Variants in AP4E1 observed in about 807,000 individuals in gnomAD.
AP4E1 encodes the protein adaptor related protein complex 4 subunit epsilon 1.
AP4E1 carries 56 observed loss-of-function variants against 128.2 expected under a neutral mutation model. The observed-to-expected ratio is 0.44, with a 90% CI of 0.35 to 0.55. The LOEUF (loss-of-function observed/expected upper bound fraction) is 0.55. Ranked by LOEUF, AP4E1 falls within the 20% of genes least tolerant of loss-of-function variation. The pLI, the probability that AP4E1 is intolerant of heterozygous loss-of-function variation, is 0.00. For synonymous variants in AP4E1, 484 were observed against 473.1 expected, an observed-to-expected ratio of 1.02 and a Z score of -0.30; for missense variants, 1,324 against 1,307.7, an observed-to-expected ratio of 1.01 and a Z score of -0.19.
At chr15:50,994,030 A>G (rs962151689) in intron 17 of AP4E1, among the ~76,000 whole-genome samples, 10 of 152,228 alleles carry the variant, frequency 6.6e-5, no homozygotes, top group South Asian at 2.1e-4. Context: ...CATAAATTCT[A>G]TTCTCCCAGA....
At chr15:50,977,553 A>T (rs529096728) in intron 15 of AP4E1, among the ~76,000 whole-genome samples, 22 of 152,294 alleles carry the variant, frequency 1.4e-4, no homozygotes, top group African/African-American at 5.3e-4. Flanking sequence ...GACAAGATAT[A>T]GCAAGTATTT....
rs766447058 is a variant in AP4E1 at position 50,950,066 on chromosome 15, CAG to C, written c.1447_1448del (p.Glu483ArgfsTer44). The C allele has an allele frequency of 6.2e-7, 1 of 1,612,536 alleles. No individual in the cohort carries two copies. The highest frequency in any genetic ancestry group is 1.1e-5 in the South Asian group (1 of 91,050). On this transcript the variant is annotated frameshift_variant, in exon 13 of 21. Coordinates refer to ENST00000261842, the MANE Select transcript of AP4E1 (RefSeq NM_007347.5). LOFTEE classifies it high-confidence loss of function. Reference sequence around the variant, plus strand: ...TTCTTTGTAGGTTTTGATGATGAAACAGAAGATCAGCAATTAAGACTCTATGC... The same window carrying C: ...TTCTTTGTAGGTTTTGATGATGAAACAAGATCAGCAATTAAGACTCTATGC...
intron 6 of AP4E1, among the ~76,000 whole-genome samples, chr15:50,929,433 G>A (rs1457058877): frequency 6.7e-6 from 1 of 149,410 alleles, no homozygotes; most frequent in African/African-American, 2.4e-5. Context: ...GGTGTCTTAA[G>A]TTTGCAGATT....
In AP4E1 at chr15:50,991,319, T is replaced by C. The variant is rs28759241; in HGVS notation, c.2091-2051T>C. Among the ~76,000 whole-genome samples the C allele has an allele frequency of 4.7e-3, 719 of 152,330 alleles. 9 individuals carry two copies. The highest frequency in any genetic ancestry group is 0.017 in the African/African-American group (699 of 41,572). On this transcript the variant is annotated intron_variant, in intron 16 of 20. Coordinates refer to ENST00000261842, the MANE Select transcript of AP4E1 (RefSeq NM_007347.5). ...TATTTAAATCATGGATTAGTAAAAT[T>C]TAGGGACTTGTTCTCTCTTTTTTTG...
At chr15:50,911,516 T>C (rs1157222511) in intron 1 of AP4E1, among the ~76,000 whole-genome samples, 2 of 150,330 alleles carry the variant, frequency 1.3e-5, no homozygotes, top group Non-Finnish European at 3.0e-5. Flanking sequence ...GGAGTCTTGC[T>C]CTGTTACCCA....
chr15:50,996,369 C>T (rs576344157), intron 17 of AP4E1, among the ~76,000 whole-genome samples: 1 of 151,816 alleles, frequency 6.6e-6, no homozygotes, highest in Non-Finnish European at 1.5e-5. Context: ...TAGTAACTAT[C>T]GAAAATAACT....
chr15:50,983,635 G>C (rs2064673386), intron 15 of AP4E1, among the ~76,000 whole-genome samples: 1 of 152,156 alleles, frequency 6.6e-6, no homozygotes, highest in Non-Finnish European at 1.5e-5. Context: ...ATGTACCCAG[G>C]AGCAGTTTGT....
intron 4 of AP4E1, 105 bp downstream of exon 4, chr15:50,924,109 G>C: frequency 1.1e-6 from 1 of 897,284 alleles, no homozygotes; most frequent in East Asian, 2.5e-5. Flanking sequence ...AAGTGGGCTT[G>C]CAGAATGGGC....
chr15:50,943,323 A>G (rs566086834), intron 10 of AP4E1, among the ~76,000 whole-genome samples: 1 of 152,320 alleles, frequency 6.6e-6, no homozygotes, highest in East Asian at 1.9e-4. Context: ...AGAGAACACT[A>G]TTACATTAAA....
At chr15:50,947,965 A>C (rs982019997) in intron 10 of AP4E1, 55 bp from the exon 11 acceptor site, 15 of 1,348,142 alleles carry the variant, frequency 1.1e-5, no homozygotes, top group African/African-American at 1.5e-5. Context: ...TACTGTACTC[A>C]TTGGTGTTAT....
chr15:51,002,160 T>A (rs2064971848), intron 20 of AP4E1, among the ~76,000 whole-genome samples: 1 of 152,138 alleles, frequency 6.6e-6, no homozygotes, highest in South Asian at 2.1e-4. Context: ...GGATTACAGG[T>A]GTGAACTACT....
At chr15:50,937,717 G>A (rs2063925703) in intron 8 of AP4E1, among the ~76,000 whole-genome samples, 1 of 152,178 alleles carries the variant, frequency 6.6e-6, no homozygotes. Flanking sequence ...GCAGAAGGGA[G>A]ATTGAAGGGG....
intron 15 of AP4E1, among the ~76,000 whole-genome samples, chr15:50,979,444 T>A (rs926275928): frequency 2.0e-5 from 3 of 152,224 alleles, no homozygotes; most frequent in Non-Finnish European, 4.4e-5. Flanking sequence ...CTTCATGATG[T>A]AGCATGAAGG....
At position 50,993,372 on chromosome 15, in the gene AP4E1, C is replaced by G; in HGVS notation, c.2093C>G (p.Thr698Arg). ...GATTTTATTATCAACCTCCTTAGGA[C>G]AAATAGCTTGAAGCTGGAAGGTATA... Reference protein sequence around the residue: ...GNSAETGLKETNSLKLEGIKK... With the variant: ...GNSAETGLKERNSLKLEGIKK... The change falls in exon 17 of 21, where the codon ACA becomes AGA. Residue 698 changes from threonine (T) to arginine (R), a missense_variant and splice_region_variant. By Grantham distance (71) the Thr-to-Arg change is moderately conservative. Coordinates refer to ENST00000261842, the MANE Select transcript of AP4E1 (RefSeq NM_007347.5). 6.2e-7 allele frequency: 1 copy of G among 1,613,706 alleles called. No individual in the cohort carries two copies. Among genetic ancestry groups the G allele is most frequent in the South Asian group, 1.1e-5 (1 of 91,056 alleles).
intron 14 of AP4E1, among the ~76,000 whole-genome samples, chr15:50,965,866 A>C (rs2064384932): frequency 2.0e-5 from 3 of 152,156 alleles, no homozygotes; most frequent in African/African-American, 7.2e-5. Flanking sequence ...TTCTCACTTA[A>C]TACTCACTCT....
At chr15:50,985,128 A>G (rs1387760825) in intron 16 of AP4E1, among the ~76,000 whole-genome samples, 2 of 152,186 alleles carry the variant, frequency 1.3e-5, no homozygotes, top group African/African-American at 4.8e-5. Flanking sequence ...GTCTGTTCAT[A>G]TCCTTCACCC....
rs189746366 is a variant in AP4E1 at position 50,921,844 on chromosome 15, G to A, written c.347-2087G>A. Among the ~76,000 whole-genome samples the A allele has an allele frequency of 1.7e-3, 261 of 152,108 alleles. 1 individual carries two copies. Among genetic ancestry groups the A allele is most frequent in the Admixed American group, 4.6e-3 (70 of 15,278 alleles). On this transcript the variant is annotated intron_variant, in intron 3 of 20. Transcript: ENST00000261842. ...ATTTTTACATTTTTTGAGTCACAGT[G>A]TTTTTCCCCCTTTTTTTCTGATTGT...
intron 16 of AP4E1, among the ~76,000 whole-genome samples, chr15:50,986,490 C>A (rs949375978): frequency 2.8e-4 from 42 of 152,190 alleles, no homozygotes; most frequent in Admixed American, 7.8e-4. Context: ...CCATCAATAC[C>A]TAATTTATTG....
intron 16 of AP4E1, among the ~76,000 whole-genome samples, chr15:50,988,691 A>G (rs1388478067): frequency 3.3e-5 from 5 of 152,188 alleles, no homozygotes; most frequent in Middle Eastern, 3.2e-3. Flanking sequence ...AGCCTGGGAA[A>G]AGATAAAAGT....
Sources: gnomAD v4.1 joint callset for allele counts (sites outside exome capture counted in the v4.1 genomes callset) on GRCh38, gnomAD v4.1.1 for gene constraint, MANE v1.5 for transcripts, NCBI Gene and HGNC (gene_info 2026-07-23, HGNC 2026-07-21) for gene names.